MINK1: variants seen among roughly 807,000 people sequenced by gnomAD.
The protein encoded by MINK1 is misshapen like kinase 1.
In MINK1, 46 loss-of-function variants were observed where a neutral mutation model predicts 178.4. That is an observed-to-expected ratio of 0.26 (90% CI 0.20 to 0.33). The LOEUF (loss-of-function observed/expected upper bound fraction) is 0.33, where lower values mean the gene tolerates loss of function less well. Among genes scored for constraint, MINK1 ranks in the 10% least tolerant of loss-of-function variants. MINK1 has a pLI of 1.00. For missense variants in MINK1, 1,366 were observed against 1,814.9 expected (o/e 0.75, Z 4.49); for synonymous variants, 797 against 709.7 (o/e 1.12, Z -1.96).
At chr17:4,839,164 T>G (rs111487303) in intron 1 of MINK1, among the ~76,000 whole-genome samples, 2 of 152,110 alleles carry the variant, frequency 1.3e-5, no homozygotes, top group African/African-American at 2.4e-5. Context: ...AGGATGGTCT[T>G]GATCTCCTGA....
chr17:4,846,712 C>G (rs144841277), intron 1 of MINK1, among the ~76,000 whole-genome samples: 1,842 of 152,254 alleles, frequency 0.012, 24 homozygotes, highest in African/African-American at 0.038. Context: ...GCTCTGTTGA[C>G]CAGGCTGGAG....
In MINK1 at chr17:4,895,627, G is replaced by A; in HGVS notation, c.3230-71G>A. On this transcript the variant is annotated intron_variant, in intron 26 of 31. Coordinates refer to ENST00000355280, the MANE Select transcript of MINK1 (RefSeq NM_153827.5). This position sits in a 1 kb window ranked among gnomAD's most constrained non-coding sequence, Gnocchi z 4.3. ...CACCCCTTGTGGTATGCTGACAGAG[G>A]AGGCCAGGGCGGTGGCATTCGGGCC... 1.3e-6 allele frequency: 2 copies of A among 1,579,784 alleles called. No individual in the cohort carries two copies.
At chr17:4,871,666 C>T (rs187299574) in intron 1 of MINK1, among the ~76,000 whole-genome samples, 2 of 152,206 alleles carry the variant, frequency 1.3e-5, no homozygotes, top group Admixed American at 1.3e-4. Flanking sequence ...GATATATGTT[C>T]TCAGTTTTCT....
chr17:4,876,436 T>C (rs913250235), intron 1 of MINK1, among the ~76,000 whole-genome samples: 9 of 152,052 alleles, frequency 5.9e-5, no homozygotes, highest in South Asian at 4.1e-4. Flanking sequence ...TTTGAGAAAA[T>C]GGAAAAAGTG....
chr17:4,885,416 G>A lies in MINK1; in HGVS notation c.509-67G>A, dbSNP rs921369185. 7 of 1,581,376 alleles carry A rather than the reference G, an allele frequency of 4.4e-6. No individual in the cohort carries two copies. The highest frequency in any genetic ancestry group is 2.2e-5 in the East Asian group (1 of 44,668). On this transcript the variant is annotated intron_variant, in intron 6 of 31. Transcript: ENST00000355280. The surrounding 1 kb of genome is among the most constrained non-coding windows in gnomAD (Gnocchi z 5.0). ...GCTCAGGCAAGTCCTGTGTGTGCAC[G>A]CAGGGATGTGAGGCAAGGGAGCAGA...
In MINK1 at chr17:4,894,733, C is replaced by T. The variant is rs139279611; in HGVS notation, c.2917+100C>T. 4,981 of 930,254 alleles carry T rather than the reference C, an allele frequency of 5.4e-3. 29 individuals carry two copies. The highest frequency in any genetic ancestry group is 7.1e-3 in the Non-Finnish European group (4,222 of 593,312). The allele number at this position is 930,254 out of a possible 1,614,324, so 57.6% of individuals were successfully genotyped here. The stretch of plus-strand genomic sequence containing the variant: ...GACGCAGCCTCACAAAGCATAGCCA[C>T]AGGACCTCTCCCTTGGGCCCTAGCA... On this transcript the variant is annotated intron_variant, in intron 24 of 31. Coordinates refer to ENST00000355280, the MANE Select transcript of MINK1 (RefSeq NM_153827.5). This position sits in a 1 kb window ranked among gnomAD's most constrained non-coding sequence, Gnocchi z 4.1.
chr17:4,848,977 GTTCT>G lies in MINK1; in HGVS notation c.57+15340_57+15343del, dbSNP rs1462499348. ...GTTCCCAGAAAGCGTGTCTCCTGGGGTTCTTTAACATTCCTCTCCCCCTGACTTA... is the reference window on the plus strand; with the variant it reads ...GTTCCCAGAAAGCGTGTCTCCTGGGGTTAACATTCCTCTCCCCCTGACTTA... On this transcript the variant is annotated intron_variant, in intron 1 of 31. Coordinates refer to ENST00000355280, the MANE Select transcript of MINK1 (RefSeq NM_153827.5). Among the ~76,000 whole-genome samples, 4 of 152,264 alleles carry G rather than the reference GTTCT, an allele frequency of 2.6e-5. No homozygotes were observed. The East Asian group carries it at 7.7e-4, about 29-fold the overall frequency.
rs1401049037 is a variant in MINK1, at chr17:4,885,844, G to A, written c.640-67G>A. 3.9e-5 allele frequency: 61 copies of A among 1,569,076 alleles called. No individual in the cohort carries two copies. The highest frequency in any genetic ancestry group is 5.2e-5 in the Non-Finnish European group (60 of 1,144,326). On this transcript the variant is annotated intron_variant, in intron 7 of 31. Coordinates refer to ENST00000355280, the MANE Select transcript of MINK1 (RefSeq NM_153827.5). This position sits in a 1 kb window ranked among gnomAD's most constrained non-coding sequence, Gnocchi z 5.0. ...AAGGCTCCTGAGAGGCCAGGATGGT[G>A]GGTGAAGAGAGGTTGCAGGGCAGAG... is the stretch of plus-strand genomic sequence containing the variant.
Position 4,896,564 on chromosome 17 carries a change from T to TG in MINK1, c.3757dup (p.Glu1253GlyfsTer19). 2 of 1,613,772 alleles carry TG rather than the reference T, an allele frequency of 1.2e-6. No individual in the cohort carries two copies. The highest frequency in any genetic ancestry group is 1.7e-6 in the Non-Finnish European group (2 of 1,179,812). On this transcript the variant is annotated frameshift_variant, in exon 30 of 32. Transcript: ENST00000355280. LOFTEE classifies it high-confidence loss of function. This position sits in a 1 kb window ranked among gnomAD's most constrained non-coding sequence, Gnocchi z 4.6. ...CATCATTAAGGATGTGGTGCTGCAGTGGGGGGAGATGCCTACTTCTGTGGG... is the reference window on the plus strand; with the variant it reads ...CATCATTAAGGATGTGGTGCTGCAGTGGGGGGGAGATGCCTACTTCTGTGGG...
chr17:4,895,583 AG>A lies in MINK1; in HGVS notation c.3229+92del. ...GCCTGGGAGGAGGGCAGGCACTGGA[AG>A]GTGGGGCCACACTTTCTCACCCCTT... On this transcript the variant is annotated intron_variant, in intron 26 of 31. Coordinates refer to ENST00000355280, the MANE Select transcript of MINK1 (RefSeq NM_153827.5). The surrounding 1 kb of genome is among the most constrained non-coding windows in gnomAD (Gnocchi z 4.3). 1 of 1,546,486 alleles carries A rather than the reference AG, an allele frequency of 6.5e-7. No homozygotes were observed. Among genetic ancestry groups the A allele is most frequent in the East Asian group, 2.3e-5 (1 of 43,704 alleles).
rs758622586 is a variant in MINK1, at chr17:4,896,828, C to A, written c.3915+15C>A. 3.2e-6 allele frequency: 5 copies of A among 1,545,938 alleles called. No homozygotes were observed. Among genetic ancestry groups the A allele is most frequent in the South Asian group, 2.5e-5 (2 of 79,126 alleles). Reference sequence around the variant, plus strand: ...GGAATGACAAGGTGGGAGGCTCCTTCCCTCTGAAAGCCCTGCTGTCCCGGC... The same window carrying A: ...GGAATGACAAGGTGGGAGGCTCCTTACCTCTGAAAGCCCTGCTGTCCCGGC... On this transcript the variant is annotated intron_variant, in intron 31 of 31. Coordinates refer to ENST00000355280, the MANE Select transcript of MINK1 (RefSeq NM_153827.5). The surrounding 1 kb of genome is among the most constrained non-coding windows in gnomAD (Gnocchi z 4.6).
rs1381464126 is a variant in MINK1, at chr17:4,891,686, G to T, written c.1971G>T (p.Trp657Cys). Residue 657 changes from tryptophan (W) to cysteine (C), a missense_variant, in exon 16 of 32, where the codon TGG becomes TGT. By Grantham distance (215) the Trp-to-Cys change is radical (BLOSUM62 -2). Coordinates refer to ENST00000355280, the MANE Select transcript of MINK1 (RefSeq NM_153827.5). ...GCCCCAGCCCGAATCCCCCAGCCTGGGTCCGCCCAGATAACGAGGCCCCAC... is the reference window on the plus strand; with the variant it reads ...GCCCCAGCCCGAATCCCCCAGCCTGTGTCCGCCCAGATAACGAGGCCCCAC... ...GPGPSPNPPAWVRPDNEAPPK... is the reference protein window; with the variant it reads ...GPGPSPNPPACVRPDNEAPPK... 4 of 1,602,600 alleles carry T rather than the reference G, an allele frequency of 2.5e-6. No homozygotes were observed. Among genetic ancestry groups the T allele is most frequent in the Non-Finnish European group, 1.7e-6 (2 of 1,175,300 alleles).
Position 4,896,265 on chromosome 17 carries a change from A to C in MINK1, c.3538A>C (p.Ile1180Leu). The C allele has an allele frequency of 6.2e-7, 1 of 1,607,802 alleles. No homozygotes were observed. The highest frequency in any genetic ancestry group is 2.2e-5 in the East Asian group (1 of 44,860). ...TVEEGQRLKV[I>L]YGSSAGFHAV... ...AGAGGAGGGGCAGCGGCTCAAGGTCATCTATGGCTCCAGTGCTGGCTTCCA... is the reference window on the plus strand; with the variant it reads ...AGAGGAGGGGCAGCGGCTCAAGGTCCTCTATGGCTCCAGTGCTGGCTTCCA... Residue 1180 changes from isoleucine (I) to leucine (L), a missense_variant, in exon 29 of 32, where the codon ATC (isoleucine) becomes CTC (leucine). Coordinates refer to ENST00000355280, the MANE Select transcript of MINK1 (RefSeq NM_153827.5). This position sits in a 1 kb window ranked among gnomAD's most constrained non-coding sequence, Gnocchi z 4.6.
In MINK1 at chr17:4,895,417, G is replaced by T; in HGVS notation, c.3153G>T (p.Val1051=). The change falls in exon 26 of 32, where the codon GTG becomes GTT. Residue 1051 remains valine, a synonymous_variant. Transcript: ENST00000355280. This position sits in a 1 kb window ranked among gnomAD's most constrained non-coding sequence, Gnocchi z 4.3. ...TGGACCGAAGTGGGCAGGGCAAGGT[G>T]TATGGACTCATTGGGCGGCGACGCT... ...MLLDRSGQGK[V]YGLIGRRRFQ... is the part of the protein sequence containing the mutation. The T allele has an allele frequency of 6.2e-7, 1 of 1,610,674 alleles. No homozygotes were observed. The highest frequency in any genetic ancestry group is 1.7e-5 in the Admixed American group (1 of 59,680).
intron 1 of MINK1, among the ~76,000 whole-genome samples, chr17:4,871,330 A>G (rs1273618462): frequency 2.0e-5 from 3 of 151,700 alleles, no homozygotes; most frequent in Non-Finnish European, 1.5e-5. Context: ...AGCTGGGACT[A>G]CAGGTACATG....
At position 4,885,790 on chromosome 17, in the gene MINK1, C is replaced by T; in HGVS notation, c.640-121C>T. 7.2e-7 allele frequency: 1 copy of T among 1,396,638 alleles called. No individual in the cohort carries two copies. The highest frequency in any genetic ancestry group is 9.9e-7 in the Non-Finnish European group (1 of 1,012,596). 86.5% of individuals were successfully genotyped at this position (1,396,638 alleles called of 1,614,324 possible). On this transcript the variant is annotated intron_variant, in intron 7 of 31. Coordinates refer to ENST00000355280, the MANE Select transcript of MINK1 (RefSeq NM_153827.5). The surrounding 1 kb of genome is among the most constrained non-coding windows in gnomAD (Gnocchi z 5.0). ...TGGGAAGATGGGATGGGTTGGAAGGCACTGCTGCAGGAATGGGTGTGGCCC... is the reference window on the plus strand; with the variant it reads ...TGGGAAGATGGGATGGGTTGGAAGGTACTGCTGCAGGAATGGGTGTGGCCC...
At position 4,884,949 on chromosome 17, in the gene MINK1, G is replaced by A. The variant is rs1968058331; in HGVS notation, c.455G>A (p.Arg152Gln). 2 of 1,613,900 alleles carry A rather than the reference G, an allele frequency of 1.2e-6. No homozygotes were observed. The highest frequency in any genetic ancestry group is 1.7e-6 in the Non-Finnish European group (2 of 1,179,874). The change falls in exon 6 of 32, where the codon CGA becomes CAA. Residue 152 changes from arginine (R) to glutamine (Q), a missense_variant. Arg to Gln is a conservative substitution (Grantham distance 43). This residue lies in a region of MINK1 where 109 missense variants were observed against 369.4 expected (regional missense o/e 0.30). Coordinates refer to ENST00000355280, the MANE Select transcript of MINK1 (RefSeq NM_153827.5). ...CTCCATGCCCACAAGGTGATCCATC[G>A]AGACATCAAGGGGCAGAATGTGCTG... ...AHLHAHKVIH[R>Q]DIKGQNVLLT...
At chr17:4,892,796 C>T in intron 19 of MINK1, 28 bp downstream of exon 19, 1 of 1,570,274 alleles carries the variant, frequency 6.4e-7, no homozygotes, top group East Asian at 2.3e-5. Context: ...GGGCAGCCTG[C>T]TCTGGGCCTG....
At position 4,891,609 on chromosome 17, in the gene MINK1, G is replaced by C. The variant is rs997002786; in HGVS notation, c.1894G>C (p.Ala632Pro). Residue 632 changes from alanine to proline, a missense_variant, in exon 16 of 32, where the codon GCC (alanine) becomes CCC (proline). Physicochemically the swap from Ala to Pro is conservative, Grantham distance 27. Transcript: ENST00000355280. ...AIPAPTATPS[A>P]RGAVIRQNSD... is the part of the protein sequence containing the mutation. ...CCCCGCACCCACTGCCACGCCCAGTGCCCGAGGAGCTGTCATCCGCCAGAA... is the reference window on the plus strand; with the variant it reads ...CCCCGCACCCACTGCCACGCCCAGTCCCCGAGGAGCTGTCATCCGCCAGAA... 3 of 1,602,948 alleles carry C rather than the reference G, an allele frequency of 1.9e-6. No individual in the cohort carries two copies. In the African/African-American group the frequency reaches 4.0e-5, roughly 21 times the overall value.
Sources: gnomAD v4.1 joint callset for allele counts (sites outside exome capture counted in the v4.1 genomes callset) on GRCh38, gnomAD v4.1.1 for gene constraint, gnomAD v4.1.1 regional missense constraint, Gnocchi (gnomAD v3.1) non-coding constraint, MANE v1.5 for transcripts, NCBI Gene and HGNC (gene_info 2026-07-23, HGNC 2026-07-21) for gene names.